Variants in ODAD2 observed in about 807,000 individuals in gnomAD.
The protein encoded by ODAD2 is outer dynein arm docking complex subunit 2.
Under a neutral mutation model 106.8 loss-of-function variants are expected in ODAD2, and 89 were observed. The observed-to-expected ratio is 0.83, with a 90% CI of 0.70 to 0.99. The LOEUF (loss-of-function observed/expected upper bound fraction) is 0.99. Among genes scored for constraint, ODAD2 ranks in the 50% least tolerant of loss-of-function variants. The pLI is 0.00. For synonymous variants in ODAD2, 404 were observed against 436.2 expected (o/e 0.93, Z 0.92); for missense variants, 1,168 against 1,238.5 (o/e 0.94, Z 0.85).
At chr10:27,814,990 T>A (rs1836017970) in intron 19 of ODAD2, among the ~76,000 whole-genome samples, 2 of 152,196 alleles carry the variant, frequency 1.3e-5, no homozygotes, top group Non-Finnish European at 2.9e-5. Context: ...CTATTTTAAA[T>A]CTTCCTTCTT....
rs1413445603 is a variant in ODAD2 at position 27,862,602 on chromosome 10, A to G, written c.2631T>C (p.Arg877=). 6.2e-7 allele frequency: 1 copy of G among 1,607,192 alleles called. No individual in the cohort carries two copies. The highest frequency in any genetic ancestry group is 8.5e-7 in the Non-Finnish European group (1 of 1,177,414). ...TAAGTTCCAAACCACCAACAAAGGAACGAACCATTTCCCCAGCATCCTAGA... is the reference window on the plus strand; with the variant it reads ...TAAGTTCCAAACCACCAACAAAGGAGCGAACCATTTCCCCAGCATCCTAGA... The part of the protein sequence containing the change: ...KNAKDAGEMV[R]SFVGGLELIV... Residue 877 remains arginine, a synonymous_variant, in exon 18 of 20, where the codon CGT becomes CGC. Transcript: ENST00000305242.
At chr10:27,902,589 GAC>G (rs1564484866) in intron 17 of ODAD2, among the ~76,000 whole-genome samples, 1 of 151,962 alleles carries the variant, frequency 6.6e-6, no homozygotes, top group Non-Finnish European at 1.5e-5. Context: ...GAATCAAATA[GAC>G]ACAATAAAAA....
At chr10:27,836,959 T>C (rs546477224) in intron 19 of ODAD2, among the ~76,000 whole-genome samples, 1 of 152,316 alleles carries the variant, frequency 6.6e-6, no homozygotes, top group East Asian at 1.9e-4. Context: ...GGATTTTCCC[T>C]GGCTTTGCAG....
intron 19 of ODAD2, among the ~76,000 whole-genome samples, chr10:27,831,256 T>C (rs1206092394): frequency 1.3e-5 from 2 of 152,180 alleles, no homozygotes; most frequent in African/African-American, 2.4e-5. Flanking sequence ...AAATGCTCTA[T>C]GAATTGGAGG....
rs1381569219 is a variant in ODAD2, at chr10:27,995,196, AAGAG to A, written c.-38-20_-38-17del. The A allele has an allele frequency of 1.6e-5, 25 of 1,589,922 alleles. 1 individual carries two copies. The East Asian group carries it at 4.1e-4, about 26-fold the overall frequency. ...AGCACACGCACTACATCAGAGCAGA[AAGAG>A]AAAGAGACAACAGCGTCCACCTTTT... is the stretch of plus-strand genomic sequence containing the variant. On this transcript the variant is annotated splice_polypyrimidine_tract_variant and intron_variant, in intron 1 of 19. Coordinates refer to ENST00000305242, the MANE Select transcript of ODAD2 (RefSeq NM_018076.5).
intron 19 of ODAD2, among the ~76,000 whole-genome samples, chr10:27,850,256 C>T (rs1312673015): frequency 3.3e-5 from 5 of 151,848 alleles, no homozygotes; most frequent in Non-Finnish European, 2.9e-5. Context: ...ACCAGCCTGG[C>T]CAACATGGTG....
intron 17 of ODAD2, among the ~76,000 whole-genome samples, chr10:27,894,128 G>A (rs1042298202): frequency 1.3e-5 from 2 of 152,042 alleles, no homozygotes; most frequent in Non-Finnish European, 2.9e-5. Flanking sequence ...GGCCAAGAGT[G>A]AGACACCATC....
intron 13 of ODAD2, 114 bp downstream of exon 13, chr10:27,940,449 T>G (rs577796040): frequency 7.8e-7 from 1 of 1,285,100 alleles, no homozygotes; most frequent in Non-Finnish European, 1.1e-6. Context: ...TCTCATAGAA[T>G]GCTGACTTCT....
chr10:27,990,992 T>C (rs1172515753), intron 2 of ODAD2, among the ~76,000 whole-genome samples: 1 of 152,220 alleles, frequency 6.6e-6, no homozygotes, highest in Non-Finnish European at 1.5e-5. Context: ...ATTTTCACCA[T>C]GTGATTCTGA....
intron 17 of ODAD2, among the ~76,000 whole-genome samples, chr10:27,887,847 G>C (rs554879068): frequency 6.6e-6 from 1 of 152,136 alleles, no homozygotes; most frequent in Admixed American, 6.5e-5. Flanking sequence ...TTTTAAAAAA[G>C]TGGGAAGACC....
chr10:27,882,501 C>T (rs1403942224), intron 17 of ODAD2, among the ~76,000 whole-genome samples: 1 of 151,970 alleles, frequency 6.6e-6, no homozygotes, highest in East Asian at 1.9e-4. Context: ...TCTTATCCTC[C>T]ATAACAAAAA....
At chr10:27,928,975 G>A (rs1373644516) in intron 16 of ODAD2, among the ~76,000 whole-genome samples, 3 of 152,150 alleles carry the variant, frequency 2.0e-5, no homozygotes. Context: ...GTTGGTGAAT[G>A]ATGAGACTGG....
At chr10:27,978,911 A>G (rs929678187) in intron 7 of ODAD2, among the ~76,000 whole-genome samples, 8 of 152,068 alleles carry the variant, frequency 5.3e-5, no homozygotes, top group Admixed American at 3.3e-4. Flanking sequence ...AAGCTTTTCA[A>G]TTAAGATCAG....
intron 6 of ODAD2, 143 bp from the exon 7 acceptor site, chr10:27,981,725 C>CA: frequency 1.7e-6 from 1 of 577,910 alleles, no homozygotes; most frequent in Non-Finnish European, 3.0e-6. Flanking sequence ...AATGTATAGG[C>CA]AAAATCCTTC....
intron 19 of ODAD2, among the ~76,000 whole-genome samples, chr10:27,827,540 A>G (rs1837165683): frequency 6.6e-6 from 1 of 151,916 alleles, no homozygotes; most frequent in Non-Finnish European, 1.5e-5. Flanking sequence ...AGACATTTAG[A>G]CATCATCACT....
intron 17 of ODAD2, among the ~76,000 whole-genome samples, chr10:27,906,779 C>T (rs1204785857): frequency 1.3e-5 from 2 of 152,076 alleles, no homozygotes; most frequent in East Asian, 1.9e-4. Context: ...AACCAAACAC[C>T]GCATGTTCTC....
At chr10:27,867,772 A>C (rs1411556623) in intron 17 of ODAD2, among the ~76,000 whole-genome samples, 1 of 152,122 alleles carries the variant, frequency 6.6e-6, no homozygotes, top group Non-Finnish European at 1.5e-5. Flanking sequence ...CAACAAAGTG[A>C]AATCCCATCT....
chr10:27,920,581 T>C lies in ODAD2; in HGVS notation c.2496-12804A>G, dbSNP rs182065006. Among the ~76,000 whole-genome samples the C allele has an allele frequency of 8.4e-4, 128 of 152,306 alleles. 2 individuals carry two copies. Among genetic ancestry groups the C allele is most frequent in the Admixed American group, 3.1e-3 (48 of 15,286 alleles). On this transcript the variant is annotated intron_variant, in intron 16 of 19. Transcript: ENST00000305242. ...CATAATTACTCTCCATTTGACACTT[T>C]TGCATCTCAGTTAAATCTACGTGCT... is the stretch of plus-strand genomic sequence containing the variant.
intron 10 of ODAD2, among the ~76,000 whole-genome samples, chr10:27,951,124 T>C (rs1273300417): frequency 1.3e-5 from 2 of 152,310 alleles, no homozygotes; most frequent in South Asian, 2.1e-4. Context: ...AAAGATTAAA[T>C]GGATGAATGG....
Sources: gnomAD v4.1 joint callset for allele counts (sites outside exome capture counted in the v4.1 genomes callset) on GRCh38, gnomAD v4.1.1 for gene constraint, MANE v1.5 for transcripts, NCBI Gene and HGNC (gene_info 2026-07-23, HGNC 2026-07-21) for gene names.